TG: variants seen among roughly 807,000 people sequenced by gnomAD.
TG encodes the protein thyroid hormones.
Under a neutral mutation model 324.7 loss-of-function variants are expected in TG, and 270 were observed. The ratio of observed to expected loss-of-function variants is 0.83; its 90% confidence interval spans 0.75 to 0.92. The LOEUF (loss-of-function observed/expected upper bound fraction) is 0.92. Among genes scored for constraint, TG ranks in the 40% least tolerant of loss-of-function variants. TG has a pLI of 0.00. For synonymous variants in TG, 1,401 were observed against 1,327.0 expected (o/e 1.06, Z -1.21); for missense variants, 3,591 against 3,456.4 (o/e 1.04, Z -0.98).
intron 23 of TG, among the ~76,000 whole-genome samples, chr8:132,932,478 T>C (rs1822863391): frequency 6.6e-6 from 1 of 152,210 alleles, no homozygotes; most frequent in African/African-American, 2.4e-5. Flanking sequence ...TTTTTAGTCT[T>C]GGTGTTCCCA....
chr8:133,115,177 C>T (rs1238956214), intron 44 of TG, among the ~76,000 whole-genome samples: 1 of 152,126 alleles, frequency 6.6e-6, no homozygotes, highest in Non-Finnish European at 1.5e-5. Flanking sequence ...GGACAACCTG[C>T]GTGCTGGGGT....
chr8:133,114,152 G>A (rs1210482230), intron 44 of TG, among the ~76,000 whole-genome samples: 2 of 152,224 alleles, frequency 1.3e-5, no homozygotes, highest in Admixed American at 6.5e-5. Flanking sequence ...GAGGCCTGGA[G>A]GCAGGGAGGT....
chr8:133,039,843 G>T (rs878916895), intron 41 of TG, among the ~76,000 whole-genome samples: 6 of 152,116 alleles, frequency 3.9e-5, no homozygotes, highest in African/African-American at 7.2e-5. Context: ...CTACACTTGT[G>T]GGGGGTGCTC....
Position 133,096,390 on chromosome 8 carries a change from C to A in TG, c.7572+17C>A. ...GCTGTGAAGGTAAGCAGGGAGGGGG[C>A]CTCGGATGTCTCCAGCTGGGCATTT... On this transcript the variant is annotated intron_variant, in intron 43 of 47. Transcript: ENST00000220616. 6.2e-7 allele frequency: 1 copy of A among 1,614,038 alleles called. No homozygotes were observed. The highest frequency in any genetic ancestry group is 1.1e-5 in the South Asian group (1 of 91,074).
intron 31 of TG, among the ~76,000 whole-genome samples, chr8:132,968,343 C>T (rs935808902): frequency 1.2e-4 from 18 of 152,150 alleles, no homozygotes; most frequent in Non-Finnish European, 2.6e-4. Context: ...ATCAATTTGA[C>T]AATAGAAAAT....
At chr8:132,874,528 C>T (rs1365547714) in intron 5 of TG, among the ~76,000 whole-genome samples, 1 of 152,166 alleles carries the variant, frequency 6.6e-6, no homozygotes, top group Admixed American at 6.5e-5. Context: ...AGAACTTGAG[C>T]CTCTCTTTGG....
At chr8:133,133,296 G>A (rs1852086780) in intron 46 of TG, 174 bp from the exon 47 acceptor site, 1 of 705,038 alleles carries the variant, frequency 1.4e-6, no homozygotes, top group Non-Finnish European at 2.5e-6. Flanking sequence ...TAGCTTTGCA[G>A]TGCAGTCAAG....
At chr8:133,121,590 C>T (rs1452039059) in intron 45 of TG, among the ~76,000 whole-genome samples, 2 of 152,188 alleles carry the variant, frequency 1.3e-5, no homozygotes, top group African/African-American at 4.8e-5. Context: ...ATGCTGGCAT[C>T]TACTAGTTTG....
intron 18 of TG, among the ~76,000 whole-genome samples, chr8:132,909,101 G>A (rs75851956): frequency 0.016 from 2,448 of 152,256 alleles, 58 homozygotes; most frequent in African/African-American, 0.049. Flanking sequence ...GCATGTGATG[G>A]GACATCACTG....
intron 5 of TG, among the ~76,000 whole-genome samples, chr8:132,879,824 C>T (rs1048594948): frequency 6.6e-6 from 1 of 152,144 alleles, no homozygotes; most frequent in Non-Finnish European, 1.5e-5. Context: ...GACCAGAAAC[C>T]CCCAGAGAGG....
chr8:133,086,480 C>T (rs1846581803), intron 41 of TG, among the ~76,000 whole-genome samples: 1 of 151,926 alleles, frequency 6.6e-6, no homozygotes, highest in Admixed American at 6.6e-5. Context: ...TCATGTGGCA[C>T]CTATTTAATG....
intron 45 of TG, among the ~76,000 whole-genome samples, chr8:133,130,376 T>C (rs547439530): frequency 6.6e-6 from 1 of 152,294 alleles, no homozygotes; most frequent in East Asian, 1.9e-4. Context: ...ACTTTGCAGG[T>C]GTGACTAAGG....
intron 41 of TG, chr8:133,076,551 T>G (rs544671097): frequency 3.4e-4 from 52 of 152,140 alleles, no homozygotes; most frequent in African/African-American, 1.2e-3. Flanking sequence ...GGCAGAAATA[T>G]GCAGAAGTGG....
chr8:132,879,701 G>A (rs1304153407), intron 5 of TG, among the ~76,000 whole-genome samples: 1 of 152,140 alleles, frequency 6.6e-6, no homozygotes, highest in East Asian at 1.9e-4. Context: ...AGGGTGGGAG[G>A]ACCCTCTCCA....
chr8:132,868,257 C>T, intron 2 of TG, 34 bp downstream of exon 2: 1 of 1,586,658 alleles, frequency 6.3e-7, no homozygotes, highest in Non-Finnish European at 8.6e-7. Flanking sequence ...CTCTCAAGGT[C>T]CAAGATGCCA....
chr8:132,895,835 T>C (rs142999993), intron 11 of TG, among the ~76,000 whole-genome samples: 1 of 152,246 alleles, frequency 6.6e-6, no homozygotes, highest in African/African-American at 2.4e-5. Context: ...TTGCTGGTGC[T>C]GTTGAGATTA....
chr8:132,995,241 A>G (rs1832760023), intron 35 of TG: 3 of 965,478 alleles, frequency 3.1e-6, no homozygotes, highest in Non-Finnish European at 3.7e-6. Flanking sequence ...CCTATTACCT[A>G]CAAGTTGAGA....
intron 45 of TG, among the ~76,000 whole-genome samples, chr8:133,127,355 G>T (rs945771228): frequency 2.0e-5 from 3 of 152,178 alleles, no homozygotes; most frequent in African/African-American, 7.2e-5. Context: ...TCGCTGGGGT[G>T]CAGGCTTAGC....
intron 27 of TG, among the ~76,000 whole-genome samples, chr8:132,955,314 A>G (rs137897232): frequency 3.7e-4 from 56 of 152,326 alleles, no homozygotes; most frequent in African/African-American, 1.3e-3. Flanking sequence ...CAGTGGCCCC[A>G]GTGAAGGCCC....
Sources: gnomAD v4.1 joint callset for allele counts (sites outside exome capture counted in the v4.1 genomes callset) on GRCh38, gnomAD v4.1.1 for gene constraint, MANE v1.5 for transcripts, NCBI Gene and HGNC (gene_info 2026-07-23, HGNC 2026-07-21) for gene names.